GALNT18: variants seen among roughly 807,000 people sequenced by gnomAD.
The protein encoded by GALNT18 is GalNAc-transferase 18.
Under a neutral mutation model 69.5 loss-of-function variants are expected in GALNT18, and 44 were observed. The ratio of observed to expected loss-of-function variants is 0.63; its 90% confidence interval spans 0.50 to 0.81. The LOEUF is 0.81. Among genes scored for constraint, GALNT18 ranks in the 40% least tolerant of loss-of-function variants. GALNT18 has a pLI of 0.00. For missense variants in GALNT18, 715 were observed against 810.0 expected (o/e 0.88, Z 1.42); for synonymous variants, 364 against 318.2 (o/e 1.14, Z -1.53).
Position 11,424,368 on chromosome 11 carries a change from G to A in GALNT18, c.595+8253C>T, listed in dbSNP as rs1013555533. Among the ~76,000 whole-genome samples, 7 of 152,136 alleles carry A rather than the reference G, an allele frequency of 4.6e-5. 1 individual carries two copies. In the East Asian group the frequency reaches 7.7e-4, roughly 17 times the overall value. On this transcript the variant is annotated intron_variant, in intron 3 of 10. Transcript: ENST00000227756. The stretch of plus-strand genomic sequence containing the variant: ...AGGAGATACAAGGTCCAGGGCCAGC[G>A]GGCCTGGATTTGAATTCCTGTCCTA...
chr11:11,393,542 G>C (rs1407382704), intron 3 of GALNT18, among the ~76,000 whole-genome samples: 1 of 152,264 alleles, frequency 6.6e-6, no homozygotes, highest in East Asian at 1.9e-4. Context: ...GGCCATGTGG[G>C]CTTCCTTGCT....
Position 11,461,938 on chromosome 11 carries a change from A to T in GALNT18, c.236-13002T>A, listed in dbSNP as rs907803080. ...CTTTCATCTGTAATATTACTCTATC[A>T]TGTGCTCCCCTGTCTCAAACAGCCT... On this transcript the variant is annotated intron_variant, in intron 1 of 10. Coordinates refer to ENST00000227756, the MANE Select transcript of GALNT18 (RefSeq NM_198516.3). The surrounding 1 kb of genome is among the most constrained non-coding windows in gnomAD (Gnocchi z 4.1). 6.6e-6 allele frequency among the ~76,000 whole-genome samples: 1 copy of T among 152,126 alleles called. No individual in the cohort carries two copies. Among genetic ancestry groups the T allele is most frequent in the African/African-American group, 2.4e-5 (1 of 41,432 alleles).
In GALNT18 at chr11:11,505,752, C is replaced by A. The variant is rs1857056842; in HGVS notation, c.236-56816G>T. Among the ~76,000 whole-genome samples the A allele has an allele frequency of 6.6e-6, 1 of 152,180 alleles. No individual in the cohort carries two copies. Among genetic ancestry groups the A allele is most frequent in the Admixed American group, 6.5e-5 (1 of 15,274 alleles). ...TGCTTCCTCCCTGAATCCAGTGTAC[C>A]TGCTCTCTCTCCTTCATTTGCATGC... On this transcript the variant is annotated intron_variant, in intron 1 of 10. Coordinates refer to ENST00000227756, the MANE Select transcript of GALNT18 (RefSeq NM_198516.3). This position sits in a 1 kb window ranked among gnomAD's most constrained non-coding sequence, Gnocchi z 4.6.
chr11:11,352,835 G>A (rs764963238), intron 6 of GALNT18: 1 of 1,614,216 alleles, frequency 6.2e-7, no homozygotes, highest in African/African-American at 1.3e-5. Context: ...CTGCCAGTGT[G>A]ATGATGTTGG....
chr11:11,282,752 C>A (rs1849108986), intron 10 of GALNT18, among the ~76,000 whole-genome samples: 1 of 152,164 alleles, frequency 6.6e-6, no homozygotes, highest in African/African-American at 2.4e-5. Flanking sequence ...ATCCTTCCAT[C>A]CATTCAACAC....
At position 11,569,034 on chromosome 11, in the gene GALNT18, A is replaced by G. The variant is rs116186410; in HGVS notation, c.235+52325T>C. On this transcript the variant is annotated intron_variant, in intron 1 of 10. Coordinates refer to ENST00000227756, the MANE Select transcript of GALNT18 (RefSeq NM_198516.3). ...GCCTTTCCAGATCTGACACATGCTG[A>G]TCCTCCCTGATGCCTGACTTCTTGT... is the stretch of plus-strand genomic sequence containing the variant. 4.2e-3 allele frequency among the ~76,000 whole-genome samples: 634 copies of G among 152,232 alleles called. 7 individuals carry two copies. Among genetic ancestry groups the G allele is most frequent in the African/African-American group, 0.015 (606 of 41,538 alleles).
rs74554414 is a variant in GALNT18, at chr11:11,546,055, C to T, written c.235+75304G>A. On this transcript the variant is annotated intron_variant, in intron 1 of 10. Coordinates refer to ENST00000227756, the MANE Select transcript of GALNT18 (RefSeq NM_198516.3). This position sits in a 1 kb window ranked among gnomAD's most constrained non-coding sequence, Gnocchi z 5.8. ...CATTGGCAAACAAGCAGGATTAGGCCCCTCTTCTCCCCAGCCACTCAGCCA... is the reference window on the plus strand; with the variant it reads ...CATTGGCAAACAAGCAGGATTAGGCTCCTCTTCTCCCCAGCCACTCAGCCA... 0.011 allele frequency among the ~76,000 whole-genome samples: 1,744 copies of T among 152,188 alleles called. 38 individuals are homozygous for T. Among genetic ancestry groups the T allele is most frequent in the African/African-American group, 0.04 (1,666 of 41,514 alleles).
At position 11,619,777 on chromosome 11, in the gene GALNT18, C is replaced by T. The variant is rs1415229354; in HGVS notation, c.235+1582G>A. On this transcript the variant is annotated intron_variant, in intron 1 of 10. Coordinates refer to ENST00000227756, the MANE Select transcript of GALNT18 (RefSeq NM_198516.3). The surrounding 1 kb of genome is among the most constrained non-coding windows in gnomAD (Gnocchi z 4.9). ...AAGACCTATGGGATGGAAAAGGACACGTAAGAAATAACAGCAACTGGCACC... is the reference window on the plus strand; with the variant it reads ...AAGACCTATGGGATGGAAAAGGACATGTAAGAAATAACAGCAACTGGCACC... 6.6e-6 allele frequency among the ~76,000 whole-genome samples: 1 copy of T among 152,092 alleles called. No homozygotes were observed. The highest frequency in any genetic ancestry group is 1.9e-4 in the East Asian group (1 of 5,180).
intron 1 of GALNT18, among the ~76,000 whole-genome samples, chr11:11,519,501 T>G (rs1424894624): frequency 6.6e-6 from 1 of 152,194 alleles, no homozygotes; most frequent in Non-Finnish European, 1.5e-5. Flanking sequence ...ATCAGCCTTC[T>G]GGGACCAAAA....
rs145067604 is a variant in GALNT18, at chr11:11,379,945, G to A, written c.596-681C>T. The stretch of plus-strand genomic sequence containing the variant: ...TCAGCAGCAGCCCCCTGAACCCTCA[G>A]CAAGAGAGGGCACAGCCACTGCATT... On this transcript the variant is annotated intron_variant, in intron 3 of 10. Coordinates refer to ENST00000227756, the MANE Select transcript of GALNT18 (RefSeq NM_198516.3). Among the ~76,000 whole-genome samples, 13 of 152,358 alleles carry A rather than the reference G, an allele frequency of 8.5e-5. No individual in the cohort carries two copies. In the East Asian group the frequency reaches 2.5e-3, roughly 29 times the overall value.
At chr11:11,585,253 T>C (rs1051094134) in intron 1 of GALNT18, among the ~76,000 whole-genome samples, 8 of 152,246 alleles carry the variant, frequency 5.3e-5, no homozygotes, top group African/African-American at 1.9e-4. Context: ...ACTTATCACT[T>C]GTCCAGTTTG....
chr11:11,437,195 C>A (rs1315965439), intron 2 of GALNT18, among the ~76,000 whole-genome samples: 1 of 152,180 alleles, frequency 6.6e-6, no homozygotes, highest in Non-Finnish European at 1.5e-5. Flanking sequence ...TTAAGCTCCT[C>A]GAGAACTCAC....
At chr11:11,346,980 A>G (rs4910325) in intron 6 of GALNT18, among the ~76,000 whole-genome samples, 135,375 of 152,182 alleles carry the variant, frequency 0.89, 60,591 homozygotes, top group Non-Finnish European at 0.93. Flanking sequence ...GATGCTGTAT[A>G]TGACAAGCTC....
In GALNT18 at chr11:11,432,827, T is replaced by C. The variant is rs745463688; in HGVS notation, c.429-40A>G. On this transcript the variant is annotated intron_variant, in intron 2 of 10. Coordinates refer to ENST00000227756, the MANE Select transcript of GALNT18 (RefSeq NM_198516.3). This position sits in a 1 kb window ranked among gnomAD's most constrained non-coding sequence, Gnocchi z 5.8. ...CAAGCGCTTAGATTTGTGACTCAGC[T>C]GGAGTCATCTCAGGAGCTGACCCAG... 7 of 1,593,760 alleles carry C rather than the reference T, an allele frequency of 4.4e-6. No homozygotes were observed. The highest frequency in any genetic ancestry group is 6.0e-6 in the Non-Finnish European group (7 of 1,165,354).
At chr11:11,525,560 G>A (rs1398696592) in intron 1 of GALNT18, among the ~76,000 whole-genome samples, 2 of 151,396 alleles carry the variant, frequency 1.3e-5, no homozygotes, top group African/African-American at 4.9e-5. Context: ...AATGGAGTCA[G>A]TTGTGGATAT....
rs141693242 is a variant in GALNT18 at position 11,396,322 on chromosome 11, T to C, written c.596-17058A>G. ...AAGACATGGATCAAGAAGGGCAACA[T>C]TTCGAGAGGTGAGGAAGAGAGAGTT... On this transcript the variant is annotated intron_variant, in intron 3 of 10. Transcript: ENST00000227756. This position sits in a 1 kb window ranked among gnomAD's most constrained non-coding sequence, Gnocchi z 5.2. 9.5e-4 allele frequency among the ~76,000 whole-genome samples: 145 copies of C among 152,204 alleles called. 2 individuals are homozygous for C. In the East Asian group the frequency reaches 0.023, roughly 24 times the overall value.
At chr11:11,607,805 G>C (rs145669477) in intron 1 of GALNT18, among the ~76,000 whole-genome samples, 156 of 152,294 alleles carry the variant, frequency 1.0e-3, no homozygotes, top group African/African-American at 3.7e-3. Flanking sequence ...AAGGAGCTAG[G>C]AAATGAGACT....
In GALNT18 at chr11:11,494,356, G is replaced by A. The variant is rs1856830108; in HGVS notation, c.236-45420C>T. Among the ~76,000 whole-genome samples the A allele has an allele frequency of 6.6e-6, 1 of 152,150 alleles. No homozygotes were observed. Among genetic ancestry groups the A allele is most frequent in the African/African-American group, 2.4e-5 (1 of 41,420 alleles). ...GGATCCCATGTGACCCTGAGAGCCT[G>A]CTTCCCCAGTCTATATTTGCCAGTG... is the stretch of plus-strand genomic sequence containing the variant. On this transcript the variant is annotated intron_variant, in intron 1 of 10. Transcript: ENST00000227756. This position sits in a 1 kb window ranked among gnomAD's most constrained non-coding sequence, Gnocchi z 5.7.
chr11:11,377,100 T>G lies in GALNT18; in HGVS notation c.977+82A>C. On this transcript the variant is annotated intron_variant, in intron 5 of 10. Transcript: ENST00000227756. This position sits in a 1 kb window ranked among gnomAD's most constrained non-coding sequence, Gnocchi z 4.6. ...GTCATCCCCACGATGGGGCTCAAGT[T>G]GGAGAATAAGCATTGGACCAGTAGG... 5 of 1,347,060 alleles carry G rather than the reference T, an allele frequency of 3.7e-6. No individual in the cohort carries two copies. Among genetic ancestry groups the G allele is most frequent in the Non-Finnish European group, 5.2e-6 (5 of 954,868 alleles). The allele number at this position is 1,347,060 out of a possible 1,614,324, so 83.4% of individuals were successfully genotyped here. A position where few individuals can be genotyped will look rare whatever the true frequency, so the allele number is the denominator to read the frequency against.
Sources: allele counts gnomAD v4.1 joint callset (sites outside exome capture counted in the v4.1 genomes callset), GRCh38; gene constraint gnomAD v4.1.1; non-coding constraint Gnocchi (gnomAD v3.1); transcripts MANE v1.5; gene names NCBI Gene and HGNC (gene_info 2026-07-23, HGNC 2026-07-21).